Variants in BMERB1 observed in about 807,000 individuals in gnomAD.
BMERB1 encodes bMERB domain containing 1, also known as bMERB domain-containing protein 1.
A neutral mutation model predicts 23.6 loss-of-function variants in BMERB1; 12 were observed. That is an observed-to-expected ratio of 0.51 (90% CI 0.33 to 0.82). The LOEUF (loss-of-function observed/expected upper bound fraction) is 0.82, where lower values mean the gene tolerates loss of function less well. Ranked by LOEUF, BMERB1 falls within the 40% of genes least tolerant of loss-of-function variation. The pLI, the probability that BMERB1 is intolerant of heterozygous loss-of-function variation, is 0.03. For synonymous variants in BMERB1, 122 were observed against 96.6 expected (o/e 1.26, Z -1.54); for missense variants, 247 against 255.4 (o/e 0.97, Z 0.22).
chr16:15,576,622 T>G (rs1436995073), intron 3 of BMERB1, among the ~76,000 whole-genome samples: 1 of 152,094 alleles, frequency 6.6e-6, no homozygotes, highest in Non-Finnish European at 1.5e-5. Context: ...ATGTATTCTC[T>G]CTCGGTTCTG....
intron 1 of BMERB1, among the ~76,000 whole-genome samples, chr16:15,462,104 TCTGTGAAATTCAA>T (rs1360869466): frequency 6.6e-6 from 1 of 151,946 alleles, no homozygotes; most frequent in Non-Finnish European, 1.5e-5. Context: ...AATTGTTTTT[TCTGTGAAATTCAA>T]AGTTAACTGG....
chr16:15,535,145 T>G (rs1407312666), intron 2 of BMERB1, among the ~76,000 whole-genome samples: 2 of 151,602 alleles, frequency 1.3e-5, no homozygotes, highest in Non-Finnish European at 2.9e-5. Flanking sequence ...AGCCTAGAAG[T>G]TCAAGACCAG....
intron 1 of BMERB1, among the ~76,000 whole-genome samples, chr16:15,496,604 T>C (rs911888621): frequency 3.3e-5 from 5 of 151,940 alleles, no homozygotes; most frequent in Non-Finnish European, 5.9e-5. Flanking sequence ...AGTGGTGCGA[T>C]CTTGGCTCAC....
chr16:15,453,994 G>T (rs762558584), intron 1 of BMERB1, among the ~76,000 whole-genome samples: 7 of 151,782 alleles, frequency 4.6e-5, no homozygotes, highest in Non-Finnish European at 7.4e-5. Flanking sequence ...TCTTCTTCCT[G>T]TTCTGAGTCA....
At chr16:15,526,426 G>A (rs936427733) in intron 2 of BMERB1, among the ~76,000 whole-genome samples, 2 of 152,178 alleles carry the variant, frequency 1.3e-5, no homozygotes, top group African/African-American at 2.4e-5. Flanking sequence ...AGCACTTTGG[G>A]AGGCTGAGGT....
chr16:15,487,053 T>C (rs928130194), intron 1 of BMERB1, among the ~76,000 whole-genome samples: 17 of 152,228 alleles, frequency 1.1e-4, no homozygotes, highest in African/African-American at 4.1e-4. Context: ...ATTCAAAATA[T>C]AGAAGATGTT....
At chr16:15,518,360 G>C (rs1047746556) in intron 2 of BMERB1, among the ~76,000 whole-genome samples, 3 of 152,140 alleles carry the variant, frequency 2.0e-5, no homozygotes, top group African/African-American at 7.2e-5. Context: ...TGCTGGAATG[G>C]AGTCCTACAG....
chr16:15,585,173 G>A (rs911384372), intron 5 of BMERB1, among the ~76,000 whole-genome samples: 2 of 152,210 alleles, frequency 1.3e-5, no homozygotes, highest in Non-Finnish European at 2.9e-5. Context: ...GATCACTGCC[G>A]AAGGCCAGCA....
intron 2 of BMERB1, among the ~76,000 whole-genome samples, chr16:15,523,459 C>T (rs1242727293): frequency 2.6e-5 from 4 of 152,130 alleles, no homozygotes; most frequent in African/African-American, 9.7e-5. Context: ...AGGGACCACA[C>T]CCTCCTCTAC....
chr16:15,450,767 G>A (rs903375651), intron 1 of BMERB1, among the ~76,000 whole-genome samples: 1 of 152,076 alleles, frequency 6.6e-6, no homozygotes, highest in Non-Finnish European at 1.5e-5. Flanking sequence ...CACCACGCCC[G>A]GCCATAGCTG....
chr16:15,564,248 A>G (rs995664643), intron 2 of BMERB1, among the ~76,000 whole-genome samples: 1 of 152,260 alleles, frequency 6.6e-6, no homozygotes, highest in African/African-American at 2.4e-5. Context: ...TTACTCAATC[A>G]AAACTTGTGT....
intron 2 of BMERB1, among the ~76,000 whole-genome samples, chr16:15,532,494 C>G (rs1345131048): frequency 7.0e-6 from 1 of 142,086 alleles, no homozygotes; most frequent in Non-Finnish European, 1.5e-5. Context: ...TCCCAAAGTG[C>G]TGGGATTACA....
intron 1 of BMERB1, among the ~76,000 whole-genome samples, chr16:15,480,606 C>CTTTTTTTTTT (rs1159247360): frequency 1.7e-5 from 1 of 58,962 alleles, no homozygotes; most frequent in East Asian, 6.5e-4. Flanking sequence ...ATTCCACTGT[C>CTTTTTTTTTT]TTTTTTTTTT....
At chr16:15,442,343 A>G (rs1489072462) in intron 1 of BMERB1, among the ~76,000 whole-genome samples, 2 of 152,068 alleles carry the variant, frequency 1.3e-5, no homozygotes, top group Non-Finnish European at 2.9e-5. Flanking sequence ...AAAAAAAAAA[A>G]AAAGAATTAG....
At chr16:15,515,510 G>A (rs2051739439) in intron 2 of BMERB1, 82 bp downstream of exon 2, 7 of 1,511,970 alleles carry the variant, frequency 4.6e-6, no homozygotes, top group Non-Finnish European at 6.2e-6. Flanking sequence ...CGTCTACTGT[G>A]TGCCAGGCAC....
At position 15,468,135 on chromosome 16, in the gene BMERB1, CTTTTTTTTTTT is replaced by C. The variant is rs749534588; in HGVS notation, c.106+33394_106+33404del. On this transcript the variant is annotated intron_variant, in intron 1 of 5. Coordinates refer to ENST00000300006, the MANE Select transcript of BMERB1 (RefSeq NM_033201.3). Reference sequence around the variant, plus strand: ...TTCTTTTCTTTCTTTCTTTCTTCTTCTTTTTTTTTTTTTTTTTTTTTTTTTTTTGAGGCAGG... The same window carrying C: ...TTCTTTTCTTTCTTTCTTTCTTCTTCTTTTTTTTTTTTTTTTTGAGGCAGG... Among the ~76,000 whole-genome samples, 14 of 31,044 alleles carry C rather than the reference CTTTTTTTTTTT, an allele frequency of 4.5e-4. 1 individual carries two copies. The highest frequency in any genetic ancestry group is 8.4e-4 in the Admixed American group (2 of 2,394). The allele number at this position is 31,044 out of a possible 152,430, so 20.4% of individuals were successfully genotyped here.
Position 15,581,243 on chromosome 16 carries a change from CAG to C in BMERB1, c.338_339del (p.Glu113GlyfsTer2). ...AAAAGAAAAAACCAAACTGCAGAAG[CAG>C]AGAGAGGATGAGCTAATCCAGAAGA... is the stretch of plus-strand genomic sequence containing the variant. ...PEKEKTKLQK[Q>X]REDELIQKIH... On this transcript the variant is annotated frameshift_variant, in exon 4 of 6. Coordinates refer to ENST00000300006, the MANE Select transcript of BMERB1 (RefSeq NM_033201.3). LOFTEE classifies it high-confidence loss of function. 6.2e-7 allele frequency: 1 copy of C among 1,613,610 alleles called. No homozygotes were observed. The highest frequency in any genetic ancestry group is 8.5e-7 in the Non-Finnish European group (1 of 1,179,824).
chr16:15,581,243 CAGAG>C lies in BMERB1; in HGVS notation c.336_339del (p.Glu113MetfsTer3). ...AAAAGAAAAAACCAAACTGCAGAAG[CAGAG>C]AGAGGATGAGCTAATCCAGAAGATC... On this transcript the variant is annotated frameshift_variant, in exon 4 of 6. Coordinates refer to ENST00000300006, the MANE Select transcript of BMERB1 (RefSeq NM_033201.3). LOFTEE classifies it high-confidence loss of function. 1 of 1,613,610 alleles carries C rather than the reference CAGAG, an allele frequency of 6.2e-7. No individual in the cohort carries two copies. The highest frequency in any genetic ancestry group is 1.1e-5 in the South Asian group (1 of 90,874).
intron 2 of BMERB1, among the ~76,000 whole-genome samples, chr16:15,516,442 C>G (rs2051757283): frequency 6.6e-6 from 1 of 152,038 alleles, no homozygotes; most frequent in African/African-American, 2.4e-5. Context: ...ATTAAAAATA[C>G]AAAAAATATA....
Sources: allele counts gnomAD v4.1 joint callset (sites outside exome capture counted in the v4.1 genomes callset), GRCh38; gene constraint gnomAD v4.1.1; transcripts MANE v1.5; gene names NCBI Gene and HGNC (gene_info 2026-07-23, HGNC 2026-07-21).